The following NFIB variants were observed in gnomAD, a reference collection of about 807,000 sequenced individuals.
NFIB encodes nuclear factor I B.
NFIB carries 11 observed loss-of-function variants against 61.5 expected under a neutral mutation model. The ratio of observed to expected loss-of-function variants is 0.18; its 90% CI spans 0.11 to 0.30. NFIB has a LOEUF of 0.30. Ranked by LOEUF, NFIB falls within the 10% of genes least tolerant of loss-of-function variation. NFIB has a pLI of 1.00. For synonymous variants in NFIB, 260 were observed against 216.5 expected (o/e 1.20, Z -1.76); for missense variants, 471 against 608.9 (o/e 0.77, Z 2.38).
At chr9:14,201,268 T>C (rs1369233974) in intron 2 of NFIB, among the ~76,000 whole-genome samples, 1 of 152,206 alleles carries the variant, frequency 6.6e-6, no homozygotes, top group Non-Finnish European at 1.5e-5. Context: ...TAGGATAATC[T>C]ACAACCTCCT....
At chr9:14,200,128 T>C (rs1436743814) in intron 2 of NFIB, among the ~76,000 whole-genome samples, 1 of 152,172 alleles carries the variant, frequency 6.6e-6, no homozygotes, top group Non-Finnish European at 1.5e-5. Context: ...GTTGGGCATA[T>C]TTCCTTCTAT....
chr9:14,349,496 C>CA (rs1470546243), intron 1 of NFIB, among the ~76,000 whole-genome samples: 1 of 152,060 alleles, frequency 6.6e-6, no homozygotes, highest in African/African-American at 2.4e-5. Flanking sequence ...TAGCGAACCC[C>CA]ACTCCGTTTT....
chr9:14,481,025 C>T, the NFIB span, among the ~76,000 whole-genome samples: 1 of 151,072 alleles, frequency 6.6e-6, no homozygotes, highest in Non-Finnish European at 1.5e-5. Context: ...CCCCATGACT[C>T]ACTGCCTGAG....
chr9:14,303,507 A>G (rs2059864664), intron 2 of NFIB, among the ~76,000 whole-genome samples: 1 of 152,120 alleles, frequency 6.6e-6, no homozygotes, highest in African/African-American at 2.4e-5. Flanking sequence ...ATTTAGAGCT[A>G]TTTTTTCTTT....
the NFIB span, among the ~76,000 whole-genome samples, chr9:14,525,521 G>T: frequency 6.6e-6 from 1 of 152,008 alleles, no homozygotes; most frequent in African/African-American, 2.4e-5. Context: ...TATATAAATT[G>T]CCTTCCAAAG....
At chr9:14,531,764 G>A in the NFIB span, among the ~76,000 whole-genome samples, 59 of 152,056 alleles carry the variant, frequency 3.9e-4, 1 homozygote, top group African/African-American at 1.4e-3. Context: ...CACAATAGCA[G>A]GGAAATCCTA....
chr9:14,113,682 T>C (rs1052634108), intron 9 of NFIB, among the ~76,000 whole-genome samples: 3 of 152,178 alleles, frequency 2.0e-5, no homozygotes, highest in South Asian at 2.1e-4. Flanking sequence ...TCAAGTCTGA[T>C]AGGAATGTTT....
chr9:14,508,110 AATATTCATATTAT>A, the NFIB span, among the ~76,000 whole-genome samples: 2 of 151,112 alleles, frequency 1.3e-5, no homozygotes, highest in Admixed American at 6.6e-5. Flanking sequence ...TATACATGTT[AATATTCATATTAT>A]ATATTCATAT....
At chr9:14,224,567 A>C (rs1016639850) in intron 2 of NFIB, among the ~76,000 whole-genome samples, 2 of 152,380 alleles carry the variant, frequency 1.3e-5, no homozygotes, top group Admixed American at 6.5e-5. Flanking sequence ...AATTTGCTGC[A>C]CACTGAGTAC....
chr9:14,396,304 T>G (rs1384503680), intron 1 of NFIB, among the ~76,000 whole-genome samples: 1 of 152,078 alleles, frequency 6.6e-6, no homozygotes, highest in Non-Finnish European at 1.5e-5. Context: ...AAAAGAGGCT[T>G]AATGTTAAAT....
intron 1 of NFIB, among the ~76,000 whole-genome samples, chr9:14,320,465 C>T (rs2060634987): frequency 6.6e-6 from 1 of 152,190 alleles, no homozygotes; most frequent in East Asian, 1.9e-4. Context: ...CTTTTCAGCG[C>T]TAGAGCTTTC....
intron 3 of NFIB, among the ~76,000 whole-genome samples, chr9:14,177,815 G>A (rs1239896624): frequency 6.6e-6 from 1 of 152,134 alleles, no homozygotes; most frequent in Admixed American, 6.5e-5. Flanking sequence ...TGTTTGCCAT[G>A]TTATATGCAA....
chr9:14,508,057 C>T, the NFIB span, among the ~76,000 whole-genome samples: 1 of 151,298 alleles, frequency 6.6e-6, no homozygotes, highest in African/African-American at 2.4e-5. Flanking sequence ...ATATTAAGCA[C>T]ATGAATCCAA....
At chr9:14,299,536 C>T (rs2059635746) in intron 2 of NFIB, among the ~76,000 whole-genome samples, 1 of 152,134 alleles carries the variant, frequency 6.6e-6, no homozygotes, top group African/African-American at 2.4e-5. Context: ...TTTTATTTCG[C>T]ACTTGTTTAA....
the NFIB span, among the ~76,000 whole-genome samples, chr9:14,489,844 C>T: frequency 6.6e-6 from 1 of 151,980 alleles, no homozygotes. Context: ...AACATTCCAT[C>T]TTAGTGGATA....
chr9:14,125,773 G>A lies in NFIB; in HGVS notation c.926-7C>T. The A allele has an allele frequency of 6.2e-7, 1 of 1,612,846 alleles. No individual in the cohort carries two copies. Among genetic ancestry groups the A allele is most frequent in the Non-Finnish European group, 8.5e-7 (1 of 1,179,586 alleles). On this transcript the variant is annotated splice_region_variant and splice_polypyrimidine_tract_variant and intron_variant, in intron 6 of 10. Transcript: ENST00000380953. ...GTAGTCGGAGAAGACATATCTGCGA[G>A]AAACAGAGAAAAACCCAAAGCTCCA...
At chr9:14,496,474 ATGT>A in the NFIB span, among the ~76,000 whole-genome samples, 1 of 152,086 alleles carries the variant, frequency 6.6e-6, no homozygotes, top group Admixed American at 6.6e-5. Flanking sequence ...CAGATTGAGG[ATGT>A]TCAACGTGTA....
intron 3 of NFIB, among the ~76,000 whole-genome samples, chr9:14,158,097 C>G (rs1313033074): frequency 3.4e-5 from 4 of 116,936 alleles, no homozygotes; most frequent in Non-Finnish European, 3.4e-5. Flanking sequence ...GGCGACAGAA[C>G]AAGACTCCAT....
intron 3 of NFIB, among the ~76,000 whole-genome samples, chr9:14,169,481 T>C (rs1364474987): frequency 2.0e-5 from 3 of 152,070 alleles, no homozygotes; most frequent in Admixed American, 6.6e-5. Flanking sequence ...AACCTGACCA[T>C]TGTTTCTTAA....
Sources: gnomAD v4.1 joint callset for allele counts (sites outside exome capture counted in the v4.1 genomes callset) on GRCh38, gnomAD v4.1.1 for gene constraint, MANE v1.5 for transcripts, NCBI Gene and HGNC (gene_info 2026-07-23, HGNC 2026-07-21) for gene names.